The following SLC6A6 variants were observed in gnomAD, a reference collection of about 807,000 sequenced individuals.
SLC6A6 encodes the protein sodium- and chloride-dependent taurine transporter.
In SLC6A6, 16 loss-of-function variants were observed where a neutral mutation model predicts 68.8. The ratio of observed to expected loss-of-function variants is 0.23; its 90% CI spans 0.16 to 0.35. SLC6A6 has a LOEUF of 0.35. Ranked by LOEUF, SLC6A6 falls within the 10% of genes least tolerant of loss-of-function variation. The pLI, the probability that SLC6A6 is intolerant of heterozygous loss-of-function variation, is 1.00. For synonymous variants in SLC6A6, 312 were observed against 315.4 expected (o/e 0.99, Z 0.12); for missense variants, 474 against 802.8 (o/e 0.59, Z 4.95).
chr3:14,435,065 A>G (rs1699821280), intron 2 of SLC6A6, among the ~76,000 whole-genome samples: 1 of 151,660 alleles, frequency 6.6e-6, no homozygotes, highest in Non-Finnish European at 1.5e-5. Context: ...ACTGTCATCC[A>G]CTCTTCCCCA....
At chr3:14,412,880 G>C (rs1411523131) in intron 1 of SLC6A6, among the ~76,000 whole-genome samples, 10 of 152,236 alleles carry the variant, frequency 6.6e-5, no homozygotes, top group African/African-American at 2.4e-4. Flanking sequence ...GCCCTGCTGA[G>C]GGCAGGTAAC....
chr3:14,427,890 T>C (rs1366756103), intron 2 of SLC6A6, among the ~76,000 whole-genome samples: 1 of 152,154 alleles, frequency 6.6e-6, no homozygotes, highest in Non-Finnish European at 1.5e-5. Flanking sequence ...TCTCCCCAGC[T>C]TAGCAGGTGC....
chr3:14,410,096 G>T lies in SLC6A6; in HGVS notation c.-53-6316G>T, dbSNP rs192470729. The stretch of plus-strand genomic sequence containing the variant: ...AGCTGCTTGGGAGGCTGAGGCAGGA[G>T]AATCACTTGGGCAGAGGTTGCAGTG... On this transcript the variant is annotated intron_variant, in intron 1 of 14. Transcript: ENST00000622186. 1.2e-3 allele frequency among the ~76,000 whole-genome samples: 175 copies of T among 146,252 alleles called. 1 individual carries two copies. Among genetic ancestry groups the T allele is most frequent in the Non-Finnish European group, 1.5e-4 (10 of 67,360 alleles).
chr3:14,463,771 G>A (rs968298094), intron 6 of SLC6A6, among the ~76,000 whole-genome samples: 3 of 152,338 alleles, frequency 2.0e-5, no homozygotes, highest in African/African-American at 7.2e-5. Flanking sequence ...TCAAGGAGAA[G>A]AGATGACGGT....
At chr3:14,475,879 C>T (rs1700868287) in intron 10 of SLC6A6, among the ~76,000 whole-genome samples, 1 of 152,200 alleles carries the variant, frequency 6.6e-6, no homozygotes, top group South Asian at 2.1e-4. Flanking sequence ...CTCGTCTTTT[C>T]CCTTATTCCT....
intron 1 of SLC6A6, among the ~76,000 whole-genome samples, chr3:14,407,137 T>A (rs1469033785): frequency 6.6e-6 from 1 of 151,040 alleles, no homozygotes; most frequent in Non-Finnish European, 1.5e-5. Context: ...GCAGCCTCGA[T>A]CTCCTGGGCT....
chr3:14,478,672 G>A (rs946669091), intron 12 of SLC6A6, 104 bp downstream of exon 12: 2 of 771,302 alleles, frequency 2.6e-6, no homozygotes, highest in East Asian at 2.4e-5. Context: ...AATTTGAGTT[G>A]AACAGTAGGC....
At chr3:14,451,565 G>A (rs543662938) in intron 5 of SLC6A6, among the ~76,000 whole-genome samples, 5 of 152,212 alleles carry the variant, frequency 3.3e-5, no homozygotes, top group Non-Finnish European at 5.9e-5. Context: ...TTGTTCTCTT[G>A]GAGGAGGAAC....
At chr3:14,474,820 A>G (rs1022952721) in intron 10 of SLC6A6, among the ~76,000 whole-genome samples, 1 of 152,244 alleles carries the variant, frequency 6.6e-6, no homozygotes, top group Non-Finnish European at 1.5e-5. Context: ...TCTACAGCCC[A>G]GAGGCAGAGG....
rs1412926877 is a variant in SLC6A6 at position 14,477,997 on chromosome 3, C to A, written c.1348-469C>A. ...CAGGGCACGCTCTCTCCTGCATGCC[C>A]CCCCCCACCACCTCCCCTGTTCCCC... On this transcript the variant is annotated intron_variant, in intron 11 of 14. Transcript: ENST00000622186. The surrounding 1 kb of genome is among the most constrained non-coding windows in gnomAD (Gnocchi z 4.2). Among the ~76,000 whole-genome samples, 1 of 152,004 alleles carries A rather than the reference C, an allele frequency of 6.6e-6. No individual in the cohort carries two copies. Among genetic ancestry groups the A allele is most frequent in the Non-Finnish European group, 1.5e-5 (1 of 67,972 alleles).
chr3:14,406,686 C>A (rs1295422641), intron 1 of SLC6A6, among the ~76,000 whole-genome samples: 1 of 152,182 alleles, frequency 6.6e-6, no homozygotes, highest in Non-Finnish European at 1.5e-5. Flanking sequence ...CTTACCTGGT[C>A]AGAGGCTTCA....
At chr3:14,408,868 G>A (rs997493329) in intron 1 of SLC6A6, among the ~76,000 whole-genome samples, 5 of 151,280 alleles carry the variant, frequency 3.3e-5, no homozygotes, top group African/African-American at 9.7e-5. Flanking sequence ...GTGCAGTGGC[G>A]TGATCTCAGC....
At chr3:14,426,444 G>A (rs1023692896) in intron 2 of SLC6A6, among the ~76,000 whole-genome samples, 4 of 152,212 alleles carry the variant, frequency 2.6e-5, no homozygotes, top group East Asian at 1.9e-4. Flanking sequence ...GATTGGCCAC[G>A]AGGTTGGAGG....
At position 14,481,717 on chromosome 3, in the gene SLC6A6, A is replaced by G. The variant is rs1280855809; in HGVS notation, c.1598A>G (p.Asn533Ser). ...SLVKYVPLTYNKTYVYPNWAI... is the reference protein window; with the variant it reads ...SLVKYVPLTYSKTYVYPNWAI... ...GTCAAGTACGTACCCCTGACCTACAACAAAACATACGTGTACCCCAACTGG... is the reference window on the plus strand; with the variant it reads ...GTCAAGTACGTACCCCTGACCTACAGCAAAACATACGTGTACCCCAACTGG... Residue 533 changes from asparagine (N) to serine (S), a missense_variant, in exon 14 of 15, where the codon AAC becomes AGC. By Grantham distance (46) the Asn-to-Ser change is conservative. Coordinates refer to ENST00000622186, the MANE Select transcript of SLC6A6 (RefSeq NM_003043.6). The surrounding 1 kb of genome is among the most constrained non-coding windows in gnomAD (Gnocchi z 4.7). 2.5e-6 allele frequency: 4 copies of G among 1,613,724 alleles called. No individual in the cohort carries two copies. The highest frequency in any genetic ancestry group is 3.4e-6 in the Non-Finnish European group (4 of 1,179,888).
intron 5 of SLC6A6, among the ~76,000 whole-genome samples, chr3:14,454,122 G>A (rs904462607): frequency 1.1e-4 from 17 of 152,154 alleles, no homozygotes; most frequent in East Asian, 3.9e-4. Flanking sequence ...GCCGGGGAGC[G>A]GGAGCCCTGG....
chr3:14,461,390 C>T (rs1243771186), intron 6 of SLC6A6, among the ~76,000 whole-genome samples: 1 of 152,204 alleles, frequency 6.6e-6, no homozygotes, highest in African/African-American at 2.4e-5. Flanking sequence ...GACCTGGGTG[C>T]CCCACACTCT....
rs144886948 is a variant in SLC6A6 at position 14,426,465 on chromosome 3, C to T, written c.-12+10012C>T. ...CCACGAGGTTGGAGGATTTTGCATACATTTAAAGCATTTCGAGTGTGCTTT... is the reference window on the plus strand; with the variant it reads ...CCACGAGGTTGGAGGATTTTGCATATATTTAAAGCATTTCGAGTGTGCTTT... On this transcript the variant is annotated intron_variant, in intron 2 of 14. Transcript: ENST00000622186. Among the ~76,000 whole-genome samples the T allele has an allele frequency of 2.9e-3, 440 of 152,340 alleles. 3 individuals carry two copies. Among genetic ancestry groups the T allele is most frequent in the African/African-American group, 1.0e-2 (414 of 41,576 alleles).
Position 14,425,455 on chromosome 3 carries a change from C to G in SLC6A6, c.-12+9002C>G, listed in dbSNP as rs145781431. 1.4e-3 allele frequency among the ~76,000 whole-genome samples: 208 copies of G among 152,126 alleles called. 1 individual carries two copies. The highest frequency in any genetic ancestry group is 2.2e-3 in the Non-Finnish European group (151 of 67,988). On this transcript the variant is annotated intron_variant, in intron 2 of 14. Transcript: ENST00000622186. ...TTGTCGGGAGGAATTATGTAGAACT[C>G]GGCCATCTGGGGGTCAGCAGGAACT...
chr3:14,479,202 T>C lies in SLC6A6; in HGVS notation c.1551+17T>C, dbSNP rs765751882. 1.3e-6 allele frequency: 2 copies of C among 1,493,618 alleles called. No homozygotes were observed. The highest frequency in any genetic ancestry group is 9.3e-7 in the Non-Finnish European group (1 of 1,069,908). The allele number at this position is 1,493,618 out of a possible 1,614,324, so 92.5% of individuals were successfully genotyped here. On this transcript the variant is annotated intron_variant, in intron 13 of 14. Coordinates refer to ENST00000622186, the MANE Select transcript of SLC6A6 (RefSeq NM_003043.6). ...CTCTGTGTTGTGAGTTCCATTTCTG[T>C]GGCTCTGGCTGGTGGCCTCTTCTCC...
Sources: gnomAD v4.1 joint callset for allele counts (sites outside exome capture counted in the v4.1 genomes callset) on GRCh38, gnomAD v4.1.1 for gene constraint, Gnocchi (gnomAD v3.1) non-coding constraint, MANE v1.5 for transcripts, NCBI Gene and HGNC (gene_info 2026-07-23, HGNC 2026-07-21) for gene names.